The following GULP1 variants were observed in gnomAD, a reference collection of about 807,000 sequenced individuals.
The protein encoded by GULP1 is GULP PTB domain containing engulfment adaptor 1.
A neutral mutation model predicts 40.9 loss-of-function variants in GULP1; 19 were observed. That is an observed-to-expected ratio of 0.46 (90% CI 0.32 to 0.68). The LOEUF is 0.68. Ranked by LOEUF, GULP1 falls within the 30% of genes least tolerant of loss-of-function variation. GULP1 has a pLI of 0.03. For synonymous variants in GULP1, 119 were observed against 117.6 expected (o/e 1.01, Z -0.08); for missense variants, 312 against 362.2 (o/e 0.86, Z 1.12).
chr2:188,586,467 T>C (rs987709552), intron 10 of GULP1, among the ~76,000 whole-genome samples: 1 of 152,216 alleles, frequency 6.6e-6, no homozygotes, highest in Admixed American at 6.5e-5. Flanking sequence ...AGAGAAAAGA[T>C]CCTCTGAAAT....
intron 2 of GULP1, among the ~76,000 whole-genome samples, chr2:188,469,551 G>C (rs1053037766): frequency 2.0e-5 from 3 of 152,088 alleles, no homozygotes; most frequent in African/African-American, 7.2e-5. Flanking sequence ...GTAGGCAAAG[G>C]GGGAGTGAGG....
At chr2:188,488,456 G>A (rs939176352) in intron 4 of GULP1, among the ~76,000 whole-genome samples, 1 of 151,900 alleles carries the variant, frequency 6.6e-6, no homozygotes. Flanking sequence ...ATCAGTGTTT[G>A]GTATGACAAA....
intron 1 of GULP1, among the ~76,000 whole-genome samples, chr2:188,368,923 GTATATATATATGTGTGTATATATATA>G (rs2047180821): frequency 9.3e-6 from 1 of 107,536 alleles, no homozygotes; most frequent in East Asian, 3.1e-4. Context: ...ATATATATAT[GTATATATATATGTGTGTATATATATA>G]TATATATATA....
At chr2:188,319,610 G>A (rs934239308) in intron 1 of GULP1, among the ~76,000 whole-genome samples, 1 of 152,106 alleles carries the variant, frequency 6.6e-6, no homozygotes, top group Non-Finnish European at 1.5e-5. Context: ...AAATAATTGT[G>A]TTAAGTCAGG....
chr2:188,582,766 TA>T (rs781461974), intron 9 of GULP1, among the ~76,000 whole-genome samples: 22 of 152,178 alleles, frequency 1.4e-4, no homozygotes, highest in Non-Finnish European at 2.6e-4. Context: ...GGTGACAGTG[TA>T]GAAATTTACA....
At chr2:188,570,763 T>A (rs930521063) in intron 9 of GULP1, among the ~76,000 whole-genome samples, 7 of 152,200 alleles carry the variant, frequency 4.6e-5, no homozygotes, top group Non-Finnish European at 1.0e-4. Flanking sequence ...CAATATTTTT[T>A]CTAGGCAAAA....
intron 9 of GULP1, chr2:188,582,477 C>G (rs761112063): frequency 2.8e-5 from 13 of 471,536 alleles, no homozygotes; most frequent in African/African-American, 2.6e-4. Context: ...TCGCCTGATT[C>G]CAGACTATCA....
At chr2:188,380,511 G>A (rs2152492915) in intron 1 of GULP1, among the ~76,000 whole-genome samples, 1 of 152,192 alleles carries the variant, frequency 6.6e-6, no homozygotes, top group South Asian at 2.1e-4. Flanking sequence ...AGCAATCAGT[G>A]GGGATTGAAC....
At chr2:188,328,392 C>G (rs1050235662) in intron 1 of GULP1, among the ~76,000 whole-genome samples, 27 of 151,988 alleles carry the variant, frequency 1.8e-4, no homozygotes, top group Non-Finnish European at 2.9e-4. Flanking sequence ...TGGGGAAGAC[C>G]TTTTCTAGGG....
intron 2 of GULP1, among the ~76,000 whole-genome samples, chr2:188,391,637 C>A (rs2050540589): frequency 6.6e-6 from 1 of 151,958 alleles, no homozygotes; most frequent in Non-Finnish European, 1.5e-5. Flanking sequence ...TTAGGACTTC[C>A]AGTACTATAT....
chr2:188,343,652 A>T (rs1262510296), intron 1 of GULP1, among the ~76,000 whole-genome samples: 2 of 152,220 alleles, frequency 1.3e-5, no homozygotes, highest in East Asian at 3.8e-4. Context: ...TGCTGATTGC[A>T]GTTCTACAAA....
chr2:188,534,183 A>C (rs1688314145), intron 6 of GULP1, among the ~76,000 whole-genome samples: 1 of 151,606 alleles, frequency 6.6e-6, no homozygotes, highest in African/African-American at 2.4e-5. Flanking sequence ...AAAGACATAC[A>C]CTCTCATTTT....
At chr2:188,525,946 T>TA (rs1205435649) in intron 5 of GULP1, among the ~76,000 whole-genome samples, 1 of 152,140 alleles carries the variant, frequency 6.6e-6, no homozygotes, top group Non-Finnish European at 1.5e-5. Context: ...TACTTTAAAT[T>TA]AAAAATATAA....
intron 1 of GULP1, among the ~76,000 whole-genome samples, chr2:188,382,242 C>A (rs963944357): frequency 6.6e-6 from 1 of 152,032 alleles, no homozygotes; most frequent in Admixed American, 6.6e-5. Flanking sequence ...AATTAATGCC[C>A]CTGGGAGCAA....
chr2:188,386,379 G>A (rs1274605930), intron 2 of GULP1, among the ~76,000 whole-genome samples: 1 of 152,174 alleles, frequency 6.6e-6, no homozygotes, highest in Non-Finnish European at 1.5e-5. Context: ...TGTGGGAATT[G>A]TGGGAATTAC....
intron 7 of GULP1, among the ~76,000 whole-genome samples, chr2:188,561,741 G>A (rs981459330): frequency 1.7e-4 from 26 of 152,282 alleles, no homozygotes; most frequent in African/African-American, 4.6e-4. Context: ...AGAGGTTGGC[G>A]TTGGCCTTGG....
chr2:188,486,434 C>T (rs146212230), intron 4 of GULP1, among the ~76,000 whole-genome samples: 6 of 152,076 alleles, frequency 3.9e-5, no homozygotes, highest in African/African-American at 1.4e-4. Flanking sequence ...CTACTTCACT[C>T]ACTTTTGGCA....
intron 11 of GULP1, chr2:188,589,771 A>G: frequency 2.3e-6 from 3 of 1,289,752 alleles, no homozygotes; most frequent in South Asian, 3.4e-5. Context: ...TATTTTTATA[A>G]TAATTTTAAA....
intron 2 of GULP1, among the ~76,000 whole-genome samples, chr2:188,476,522 G>A (rs1469045867): frequency 6.6e-6 from 1 of 152,110 alleles, no homozygotes; most frequent in East Asian, 1.9e-4. Flanking sequence ...AGGTTATCAA[G>A]GAAGAACATT....
Sources: gnomAD v4.1 joint callset for allele counts (sites outside exome capture counted in the v4.1 genomes callset) on GRCh38, gnomAD v4.1.1 for gene constraint, MANE v1.5 for transcripts, NCBI Gene and HGNC (gene_info 2026-07-23, HGNC 2026-07-21) for gene names.